The following MPZL1 variants were observed in gnomAD, a reference collection of about 807,000 sequenced individuals.
MPZL1 encodes myelin protein zero-like protein 1.
In MPZL1, 16 loss-of-function variants were observed where a neutral mutation model predicts 29.3. That is an observed-to-expected ratio of 0.55 (90% CI 0.37 to 0.83). MPZL1 has a LOEUF of 0.83. Ranked by LOEUF, MPZL1 falls within the 40% of genes least tolerant of loss-of-function variation. The probability of loss-of-function intolerance (pLI) is 0.00; values close to 1 mark genes in which losing one functional copy is unlikely to be tolerated. For missense variants in MPZL1, 279 were observed against 332.9 expected, an observed-to-expected ratio of 0.84 and a Z score of 1.26; for synonymous variants, 143 against 132.0, an observed-to-expected ratio of 1.08 and a Z score of -0.57.
At chr1:167,743,189 A>G (rs966097128) in intron 1 of MPZL1, among the ~76,000 whole-genome samples, 2 of 150,926 alleles carry the variant, frequency 1.3e-5, no homozygotes, top group African/African-American at 4.9e-5. Flanking sequence ...TTTGTAGATT[A>G]CTTTTGGCAG....
At chr1:167,762,126 G>T (rs1052623361) in intron 1 of MPZL1, among the ~76,000 whole-genome samples, 3 of 152,210 alleles carry the variant, frequency 2.0e-5, no homozygotes, top group African/African-American at 7.2e-5. Flanking sequence ...TTTCACCTCT[G>T]AGGAGGCATT....
At chr1:167,760,498 C>T (rs1484287984) in intron 1 of MPZL1, among the ~76,000 whole-genome samples, 1 of 152,046 alleles carries the variant, frequency 6.6e-6, no homozygotes. Flanking sequence ...CCACCGCACC[C>T]GGCCCCTCTA....
Position 167,765,564 on chromosome 1 carries a change from CT to C in MPZL1, c.92-17del. On this transcript the variant is annotated intron_variant, in intron 1 of 5. Coordinates refer to ENST00000359523, the MANE Select transcript of MPZL1 (RefSeq NM_003953.6). ...ATGTTAAGTCCTACTTTCAACTACC[CT>C]TATTCCTTTCTCTTCAGTGACAGCT... 6.3e-7 allele frequency: 1 copy of C among 1,593,572 alleles called. No individual in the cohort carries two copies. The highest frequency in any genetic ancestry group is 8.5e-7 in the Non-Finnish European group (1 of 1,170,018).
At chr1:167,761,795 A>T (rs952509525) in intron 1 of MPZL1, among the ~76,000 whole-genome samples, 25 of 152,208 alleles carry the variant, frequency 1.6e-4, no homozygotes, top group African/African-American at 5.8e-4. Flanking sequence ...GTGGAGATGC[A>T]TAGTGGATAG....
chr1:167,787,519 A>G (rs1661614679), intron 5 of MPZL1, among the ~76,000 whole-genome samples: 1 of 152,206 alleles, frequency 6.6e-6, no homozygotes, highest in Non-Finnish European at 1.5e-5. Context: ...AGCTATTAAG[A>G]TAAGAGATAT....
chr1:167,739,319 A>G (rs1023607561), intron 1 of MPZL1, among the ~76,000 whole-genome samples: 4 of 141,406 alleles, frequency 2.8e-5, no homozygotes, highest in African/African-American at 8.3e-5. Flanking sequence ...ACACATATAT[A>G]TATTTATGTT....
At chr1:167,733,058 A>G (rs1660303040) in intron 1 of MPZL1, among the ~76,000 whole-genome samples, 1 of 152,156 alleles carries the variant, frequency 6.6e-6, no homozygotes, top group Non-Finnish European at 1.5e-5. Context: ...TTCTGTTTTT[A>G]TGATTCACAT....
At chr1:167,742,350 C>T (rs73037842) in intron 1 of MPZL1, among the ~76,000 whole-genome samples, 2,816 of 152,072 alleles carry the variant, frequency 0.019, 91 homozygotes, top group African/African-American at 0.063. Flanking sequence ...ATCAAAAACC[C>T]GGCATATAAA....
At chr1:167,781,140 C>T (rs1571173023) in intron 5 of MPZL1, among the ~76,000 whole-genome samples, 1 of 152,110 alleles carries the variant, frequency 6.6e-6, no homozygotes, top group African/African-American at 2.4e-5. Context: ...GAGAAATTGA[C>T]ATATTCACAA....
intron 1 of MPZL1, among the ~76,000 whole-genome samples, chr1:167,730,142 T>A (rs1485403799): frequency 2.0e-5 from 3 of 152,252 alleles, no homozygotes; most frequent in Non-Finnish European, 4.4e-5. Flanking sequence ...GCCTTGATGC[T>A]GCTGACTCTG....
Position 167,787,984 on chromosome 1 carries a change from T to G in MPZL1, c.*63T>G. Reference sequence around the variant, plus strand: ...CCAAACTGGACTCTCGTGCAGAAAATGTAGCCCATTACCACATGTAGCCTT... The same window carrying G: ...CCAAACTGGACTCTCGTGCAGAAAAGGTAGCCCATTACCACATGTAGCCTT... On this transcript the variant is annotated 3_prime_UTR_variant, in exon 6 of 6. Coordinates refer to ENST00000359523, the MANE Select transcript of MPZL1 (RefSeq NM_003953.6). 2.2e-6 allele frequency: 3 copies of G among 1,375,440 alleles called. No homozygotes were observed. Among genetic ancestry groups the G allele is most frequent in the Non-Finnish European group, 1.0e-6 (1 of 967,308 alleles). 85.2% of individuals were successfully genotyped at this position (1,375,440 alleles called of 1,614,324 possible).
Position 167,790,460 on chromosome 1 carries a change from T to G in MPZL1, c.*2539T>G, listed in dbSNP as rs1001329309. The G allele has an allele frequency of 6.6e-6, 1 of 152,302 alleles. No homozygotes were observed. The highest frequency in any genetic ancestry group is 2.4e-5 in the African/African-American group (1 of 41,470). The allele number at this position is 152,302 out of a possible 1,614,324, so 9.4% of individuals were successfully genotyped here. On this transcript the variant is annotated 3_prime_UTR_variant, in exon 6 of 6. Coordinates refer to ENST00000359523, the MANE Select transcript of MPZL1 (RefSeq NM_003953.6). ...CTGAAGGAAGCTGCTCACACTGAGA[T>G]GAGCCTCTCAGGGCAGGACCTCTTC...
chr1:167,733,739 G>GT (rs1660316349), intron 1 of MPZL1, among the ~76,000 whole-genome samples: 1 of 145,070 alleles, frequency 6.9e-6, no homozygotes. Flanking sequence ...GTGAGACTCT[G>GT]TCAAAAAAAA....
chr1:167,765,612 T>C lies in MPZL1; in HGVS notation c.121T>C (p.Tyr41His). 6.2e-7 allele frequency: 1 copy of C among 1,613,128 alleles called. No homozygotes were observed. Among genetic ancestry groups the C allele is most frequent in the Non-Finnish European group, 8.5e-7 (1 of 1,179,538 alleles). The change falls in exon 2 of 6, where the codon TAT (tyrosine) becomes CAT (histidine). Residue 41 changes from tyrosine to histidine, a missense_variant. Physicochemically the swap from Tyr to His is moderately conservative, Grantham distance 83 (BLOSUM62 2). Coordinates refer to ENST00000359523, the MANE Select transcript of MPZL1 (RefSeq NM_003953.6). ...LTAGVSALEV[Y>H]TPKEIFVANG... The stretch of plus-strand genomic sequence containing the variant: ...AGCTGGAGTATCAGCCTTGGAAGTA[T>C]ATACGCCAAAAGAAATCTTCGTGGC...
rs560805762 is a variant in MPZL1, at chr1:167,771,340, G to A, written c.259-935G>A. On this transcript the variant is annotated intron_variant, in intron 2 of 5. Transcript: ENST00000359523. ...GTTTATAGATTAACAGCATCCCAAGGCAGAAGAATTTTTCTTAGTACAGAA... is the reference window on the plus strand; with the variant it reads ...GTTTATAGATTAACAGCATCCCAAGACAGAAGAATTTTTCTTAGTACAGAA... Among the ~76,000 whole-genome samples the A allele has an allele frequency of 4.6e-4, 70 of 152,264 alleles. 1 individual carries two copies. Among genetic ancestry groups the A allele is most frequent in the Middle Eastern group, 3.4e-3 (1 of 294 alleles).
intron 4 of MPZL1, 152 bp downstream of exon 4, chr1:167,773,520 A>G: frequency 2.4e-6 from 2 of 849,834 alleles, no homozygotes; most frequent in Non-Finnish European, 3.4e-6. Context: ...GTGTTCTAAC[A>G]TGGGCAAGTG....
intron 1 of MPZL1, among the ~76,000 whole-genome samples, chr1:167,761,921 G>A (rs555100572): frequency 2.1e-4 from 32 of 152,310 alleles, no homozygotes; most frequent in African/African-American, 7.2e-4. Flanking sequence ...GGTTTAGTCT[G>A]AGTAAGGCAA....
In MPZL1 at chr1:167,722,178, G is replaced by A. The variant is rs1660042775; in HGVS notation, c.27G>A (p.Ala9=). 8.1e-7 allele frequency: 1 copy of A among 1,237,918 alleles called. No individual in the cohort carries two copies. The highest frequency in any genetic ancestry group is 1.0e-6 in the Non-Finnish European group (1 of 988,488). The allele number at this position is 1,237,918 out of a possible 1,614,324, so 76.7% of individuals were successfully genotyped here. ...TGGCAGCGTCCGCCGGAGCCGGGGC[G>A]GTGATTGCAGCCCCAGACAGCCGGC... MAASAGAG[A]VIAAPDSRRW... Residue 9 remains alanine, a synonymous_variant, in exon 1 of 6, where the codon GCG becomes GCA. Transcript: ENST00000359523.
intron 2 of MPZL1, among the ~76,000 whole-genome samples, chr1:167,771,876 CACCT>C (rs1455859128): frequency 6.6e-6 from 1 of 152,088 alleles, no homozygotes; most frequent in African/African-American, 2.4e-5. Context: ...GCAAACCCAG[CACCT>C]TGGGAGGCTG....
Sources: allele counts gnomAD v4.1 joint callset (sites outside exome capture counted in the v4.1 genomes callset), GRCh38; gene constraint gnomAD v4.1.1; transcripts MANE v1.5; gene names NCBI Gene and HGNC (gene_info 2026-07-23, HGNC 2026-07-21).